PLPP3: variants seen among roughly 807,000 people sequenced by gnomAD.
PLPP3 encodes the protein phospholipid phosphatase 3.
A neutral mutation model predicts 29.6 loss-of-function variants in PLPP3; 6 were observed. The ratio of observed to expected loss-of-function variants is 0.20; its 90% CI spans 0.11 to 0.40. PLPP3 has a LOEUF of 0.40. PLPP3 is among the 10% of genes least tolerant of loss of function. The pLI is 1.00. For missense variants in PLPP3, 308 were observed against 407.7 expected, an observed-to-expected ratio of 0.76 and a Z score of 2.11; for synonymous variants, 152 against 159.7, an observed-to-expected ratio of 0.95 and a Z score of 0.36.
At position 56,496,592 on chromosome 1, in the gene PLPP3, C is replaced by T. The variant is rs147388964; in HGVS notation, c.895G>A (p.Val299Met). 587 of 1,614,010 alleles carry T rather than the reference C, an allele frequency of 3.6e-4. No individual in the cohort carries two copies. The highest frequency in any genetic ancestry group is 1.0e-4 in the Non-Finnish European group (122 of 1,179,936). The change falls in exon 6 of 6, where the codon GTG becomes ATG. Residue 299 changes from valine (V) to methionine (M), a missense_variant. Physicochemically the swap from Val to Met is conservative, Grantham distance 21 (BLOSUM62 1). Coordinates refer to ENST00000371250, the MANE Select transcript of PLPP3 (RefSeq NM_003713.5). ...TGATTGTTCCTGTCAATAATGTCCA[C>T]AGGTGAAAGGATTTCCTTCCGGATA... ...PAIRKEILSP[V>M]DIIDRNNHHN...
At chr1:56,575,682 T>G (rs1646230912) in intron 1 of PLPP3, among the ~76,000 whole-genome samples, 1 of 152,228 alleles carries the variant, frequency 6.6e-6, no homozygotes, top group Non-Finnish European at 1.5e-5. Flanking sequence ...TCAATTCAAA[T>G]CGACTTCAGT....
In PLPP3 at chr1:56,579,539, C is replaced by A. The variant is rs937991206; in HGVS notation, c.-523G>T. 2.3e-5 allele frequency: 4 copies of A among 171,046 alleles called. No homozygotes were observed. In the South Asian group the frequency reaches 5.4e-4, roughly 23 times the overall value. The allele number at this position is 171,046 out of a possible 1,614,324, so 10.6% of individuals were successfully genotyped here. ...GGTGCTGCTGCCGCGGCGGCTGCTG[C>A]TGTGATCGCCTGGGTTTGTTTTCTG... On this transcript the variant is annotated 5_prime_UTR_variant, in exon 1 of 6. Transcript: ENST00000371250.
rs144397500 is a variant in PLPP3, at chr1:56,500,742, C to T, written c.811-4066G>A. Among the ~76,000 whole-genome samples, 36 of 152,194 alleles carry T rather than the reference C, an allele frequency of 2.4e-4. 1 individual carries two copies. The East Asian group carries it at 5.4e-3, about 23-fold the overall frequency. On this transcript the variant is annotated intron_variant, in intron 5 of 5. Transcript: ENST00000371250. Reference sequence around the variant, plus strand: ...GTTGGAGGTCAGGTGCAGTGGCTCACGCCTAAAATCCCAGCACTTTGGGAG... The same window carrying T: ...GTTGGAGGTCAGGTGCAGTGGCTCATGCCTAAAATCCCAGCACTTTGGGAG...
chr1:56,506,391 A>G (rs952887316), intron 5 of PLPP3, among the ~76,000 whole-genome samples: 2 of 152,106 alleles, frequency 1.3e-5, no homozygotes, highest in African/African-American at 2.4e-5. Context: ...AGGTCACCTC[A>G]CTGGGGCAGA....
In PLPP3 at chr1:56,579,273, G is replaced by A; in HGVS notation, c.-257C>T. 2.2e-6 allele frequency: 1 copy of A among 449,318 alleles called. No individual in the cohort carries two copies. Among genetic ancestry groups the A allele is most frequent in the Non-Finnish European group, 3.9e-6 (1 of 256,636 alleles). 27.8% of individuals were successfully genotyped at this position (449,318 alleles called of 1,614,324 possible). ...CGTTCTAAAGTCCAAGGGGAAGAGA[G>A]CCAGATCCCGAGCAGAAACTTTTGC... On this transcript the variant is annotated 5_prime_UTR_variant, in exon 1 of 6. Coordinates refer to ENST00000371250, the MANE Select transcript of PLPP3 (RefSeq NM_003713.5).
At chr1:56,553,868 T>C (rs1187878187) in intron 1 of PLPP3, among the ~76,000 whole-genome samples, 1 of 152,146 alleles carries the variant, frequency 6.6e-6, no homozygotes, top group Admixed American at 6.5e-5. Flanking sequence ...AAACCGAGTG[T>C]GCGAAGAAGG....
intron 1 of PLPP3, chr1:56,538,743 G>C (rs1245397760): frequency 5.0e-6 from 1 of 198,208 alleles, no homozygotes; most frequent in African/African-American, 2.4e-5. Context: ...AGCACATTAA[G>C]CACTCCAAGA....
chr1:56,516,905 T>C (rs1026575468), intron 4 of PLPP3: 1 of 152,198 alleles, frequency 6.6e-6, no homozygotes, highest in Admixed American at 6.5e-5. Flanking sequence ...AGTGCAGTTC[T>C]CTTCTCCTTC....
intron 1 of PLPP3, among the ~76,000 whole-genome samples, chr1:56,550,727 C>T (rs991565359): frequency 7.2e-5 from 11 of 152,102 alleles, no homozygotes; most frequent in African/African-American, 2.7e-4. Flanking sequence ...CTCCTCCCAC[C>T]CACCCCCACA....
intron 1 of PLPP3, among the ~76,000 whole-genome samples, chr1:56,578,028 T>A (rs1194776605): frequency 6.6e-6 from 1 of 151,902 alleles, no homozygotes; most frequent in Non-Finnish European, 1.5e-5. Context: ...CTCCTCGCCC[T>A]CCCACTCCAA....
chr1:56,519,337 A>C (rs1011756616), intron 4 of PLPP3, among the ~76,000 whole-genome samples: 2 of 152,238 alleles, frequency 1.3e-5, no homozygotes, highest in African/African-American at 4.8e-5. Flanking sequence ...CATAATTCTG[A>C]GAGTCCGTAA....
chr1:56,571,111 C>A (rs1646194774), intron 1 of PLPP3, among the ~76,000 whole-genome samples: 1 of 152,222 alleles, frequency 6.6e-6, no homozygotes. Flanking sequence ...AAGTCCACAT[C>A]CGAAAAGCAG....
At position 56,494,928 on chromosome 1, in the gene PLPP3, T is replaced by A. The variant is rs1247119389; in HGVS notation, c.*1623A>T. 1 of 152,638 alleles carries A rather than the reference T, an allele frequency of 6.6e-6. No individual in the cohort carries two copies. Among genetic ancestry groups the A allele is most frequent in the Non-Finnish European group, 1.5e-5 (1 of 68,040 alleles). The allele number at this position is 152,638 out of a possible 1,614,324, so 9.5% of individuals were successfully genotyped here. A position where few individuals can be genotyped will look rare whatever the true frequency, so the allele number is the denominator to read the frequency against. ...TTTAATGTTTTTATACAGTTTTCTC[T>A]AGTTGCAGTTATTTCATTATAAAAC... On this transcript the variant is annotated 3_prime_UTR_variant, in exon 6 of 6. Transcript: ENST00000371250.
Position 56,524,677 on chromosome 1 carries a change from T to C in PLPP3, c.298-123A>G. The C allele has an allele frequency of 3.5e-6, 4 of 1,147,270 alleles. No individual in the cohort carries two copies. The South Asian group carries it at 4.8e-5, about 14-fold the overall frequency. 71.1% of individuals were successfully genotyped at this position (1,147,270 alleles called of 1,614,324 possible). A position where few individuals can be genotyped will look rare whatever the true frequency, so the allele number is the denominator to read the frequency against. ...TTTGCAAAGGAGTGTCCTAATTTTC[T>C]ATTTATGAAATATACAGACACAAAT... On this transcript the variant is annotated intron_variant, in intron 2 of 5. Transcript: ENST00000371250. The surrounding 1 kb of genome is among the most constrained non-coding windows in gnomAD (Gnocchi z 4.3).
chr1:56,557,746 G>A (rs1646094422), intron 1 of PLPP3, among the ~76,000 whole-genome samples: 1 of 152,182 alleles, frequency 6.6e-6, no homozygotes, highest in Non-Finnish European at 1.5e-5. Flanking sequence ...GAAGCTGACA[G>A]AGGAAAGATA....
intron 1 of PLPP3, among the ~76,000 whole-genome samples, chr1:56,560,210 G>C (rs966594496): frequency 1.3e-5 from 2 of 152,102 alleles, no homozygotes; most frequent in African/African-American, 4.8e-5. Flanking sequence ...ACCCAGCACA[G>C]AACCTGGTGC....
At chr1:56,577,294 T>C (rs1646243079) in intron 1 of PLPP3, among the ~76,000 whole-genome samples, 1 of 152,212 alleles carries the variant, frequency 6.6e-6, no homozygotes, top group African/African-American at 2.4e-5. Flanking sequence ...CCAGCTGCCT[T>C]CAGGAAGGTA....
At chr1:56,521,274 A>G (rs1645818025) in intron 4 of PLPP3, among the ~76,000 whole-genome samples, 1 of 151,102 alleles carries the variant, frequency 6.6e-6, no homozygotes, top group African/African-American at 2.4e-5. Flanking sequence ...AAGAACAAAG[A>G]AAGTTTTGCA....
Position 56,524,614 on chromosome 1 carries a change from C to T in PLPP3, c.298-60G>A, listed in dbSNP as rs1273212868. ...CAAGATTCATCATCAACACTGATGC[C>T]GTAACGGATATTCAACAACACAGGA... On this transcript the variant is annotated intron_variant, in intron 2 of 5. Transcript: ENST00000371250. The surrounding 1 kb of genome is among the most constrained non-coding windows in gnomAD (Gnocchi z 4.3). 1.3e-5 allele frequency: 20 copies of T among 1,535,464 alleles called. No homozygotes were observed. The highest frequency in any genetic ancestry group is 3.5e-5 in the Admixed American group (2 of 56,958).
Sources: allele counts gnomAD v4.1 joint callset (sites outside exome capture counted in the v4.1 genomes callset), GRCh38; gene constraint gnomAD v4.1.1; non-coding constraint Gnocchi (gnomAD v3.1); transcripts MANE v1.5; gene names NCBI Gene and HGNC (gene_info 2026-07-23, HGNC 2026-07-21).